The following EXOC4 variants were observed in gnomAD, a reference collection of about 807,000 sequenced individuals.
The protein encoded by EXOC4 is SEC8-like 1.
Under a neutral mutation model 107.2 loss-of-function variants are expected in EXOC4, and 71 were observed. The observed-to-expected ratio is 0.66, with a 90% CI of 0.55 to 0.81. EXOC4 has a LOEUF of 0.81. EXOC4 is among the 30% of genes least tolerant of loss of function. EXOC4 has a pLI of 0.00. For missense variants in EXOC4, 1,108 were observed against 1,189.6 expected, an observed-to-expected ratio of 0.93 and a Z score of 1.01; for synonymous variants, 456 against 441.2, an observed-to-expected ratio of 1.03 and a Z score of -0.42.
chr7:133,701,855 G>T (rs182688669), intron 10 of EXOC4, among the ~76,000 whole-genome samples: 2 of 151,898 alleles, frequency 1.3e-5, no homozygotes, highest in Admixed American at 6.6e-5. Flanking sequence ...ATAATTTTGC[G>T]CATATAACAA....
At chr7:134,094,845 G>T in the EXOC4 span, among the ~76,000 whole-genome samples, 1 of 151,790 alleles carries the variant, frequency 6.6e-6, no homozygotes, top group Non-Finnish European at 1.5e-5. Context: ...TGACAAACTC[G>T]CAGCAAACAT....
intron 7 of EXOC4, among the ~76,000 whole-genome samples, chr7:133,471,623 G>T (rs1311937965): frequency 6.6e-6 from 1 of 152,022 alleles, no homozygotes; most frequent in Non-Finnish European, 1.5e-5. Flanking sequence ...GTAGATTTTT[G>T]TACTGAGGAT....
intron 11 of EXOC4, among the ~76,000 whole-genome samples, chr7:133,874,808 A>G (rs977693899): frequency 6.6e-6 from 1 of 152,216 alleles, no homozygotes; most frequent in Non-Finnish European, 1.5e-5. Flanking sequence ...CTAATGAATC[A>G]TGCCCCATTG....
chr7:133,544,161 C>T (rs1396567274), intron 9 of EXOC4, among the ~76,000 whole-genome samples: 1 of 152,030 alleles, frequency 6.6e-6, no homozygotes, highest in Non-Finnish European at 1.5e-5. Context: ...AGATTCCTCA[C>T]CATCTATACT....
intron 9 of EXOC4, among the ~76,000 whole-genome samples, chr7:133,510,638 A>G (rs1054423724): frequency 1.3e-5 from 2 of 152,230 alleles, no homozygotes; most frequent in African/African-American, 4.8e-5. Context: ...AACACTGGAA[A>G]CATACGAGCA....
intron 6 of EXOC4, among the ~76,000 whole-genome samples, chr7:133,362,307 C>T (rs1423992378): frequency 1.3e-5 from 2 of 152,128 alleles, no homozygotes; most frequent in African/African-American, 2.4e-5. Context: ...CTTTTGAGCA[C>T]ACCTGACACA....
At chr7:133,520,270 A>T (rs1799955372) in intron 9 of EXOC4, among the ~76,000 whole-genome samples, 1 of 152,138 alleles carries the variant, frequency 6.6e-6, no homozygotes, top group Admixed American at 6.6e-5. Context: ...TTCTTGCCAC[A>T]ATATTTTATA....
intron 14 of EXOC4, among the ~76,000 whole-genome samples, chr7:133,987,549 A>G (rs1490280910): frequency 6.6e-6 from 1 of 152,132 alleles, no homozygotes; most frequent in Admixed American, 6.5e-5. Flanking sequence ...TAGAGTAGAA[A>G]ACTGTGTGGT....
At chr7:133,626,936 G>A (rs1171738197) in intron 9 of EXOC4, among the ~76,000 whole-genome samples, 1 of 152,106 alleles carries the variant, frequency 6.6e-6, no homozygotes, top group African/African-American at 2.4e-5. Flanking sequence ...CATTGATTCG[G>A]GTTTTGACAG....
intron 14 of EXOC4, among the ~76,000 whole-genome samples, chr7:133,974,055 C>T (rs1486491102): frequency 6.6e-6 from 1 of 152,196 alleles, no homozygotes; most frequent in Non-Finnish European, 1.5e-5. Context: ...CAGGCCTAGT[C>T]ACCTCTTTAA....
chr7:133,725,206 G>A (rs1323728760), intron 10 of EXOC4, among the ~76,000 whole-genome samples: 1 of 152,088 alleles, frequency 6.6e-6, no homozygotes, highest in Non-Finnish European at 1.5e-5. Flanking sequence ...CTAGCGTATT[G>A]GTCAGAAAAA....
At chr7:133,581,494 C>T (rs1412595661) in intron 9 of EXOC4, among the ~76,000 whole-genome samples, 7 of 152,026 alleles carry the variant, frequency 4.6e-5, no homozygotes, top group Middle Eastern at 3.4e-3. Context: ...CGCGGTGGCT[C>T]ACGCCTGTAA....
intron 11 of EXOC4, among the ~76,000 whole-genome samples, chr7:133,870,272 C>A (rs1798724933): frequency 6.6e-6 from 1 of 152,086 alleles, no homozygotes; most frequent in South Asian, 2.1e-4. Context: ...ACTCAAGTGA[C>A]AAAAATTTTT....
intron 9 of EXOC4, chr7:133,480,373 G>T: frequency 7.5e-7 from 1 of 1,338,502 alleles, no homozygotes; most frequent in Non-Finnish European, 9.6e-7. Flanking sequence ...AAAGCAAAAA[G>T]AGATGAGGCC....
chr7:133,731,732 G>GT (rs1323320222), intron 10 of EXOC4, among the ~76,000 whole-genome samples: 1 of 151,976 alleles, frequency 6.6e-6, no homozygotes, highest in African/African-American at 2.4e-5. Context: ...ATAAAAGCTT[G>GT]TTTTTTCAGC....
intron 3 of EXOC4, among the ~76,000 whole-genome samples, chr7:133,296,572 G>A (rs1794523759): frequency 6.6e-6 from 1 of 151,986 alleles, no homozygotes; most frequent in Non-Finnish European, 1.5e-5. Flanking sequence ...AGAAGTGCAG[G>A]GGTTTGTGGT....
intron 11 of EXOC4, among the ~76,000 whole-genome samples, chr7:133,852,402 G>A (rs10248666): frequency 0.016 from 2,506 of 152,054 alleles, 69 homozygotes; most frequent in African/African-American, 0.056. Flanking sequence ...TCTGTTACAA[G>A]TATCCCTTTA....
chr7:133,798,991 ATTT>A (rs927637360), intron 10 of EXOC4, among the ~76,000 whole-genome samples: 29 of 152,284 alleles, frequency 1.9e-4, no homozygotes, highest in Non-Finnish European at 4.0e-4. Context: ...TGAAGCTGCG[ATTT>A]TGAGAGACAG....
At chr7:133,859,310 T>C (rs1396092168) in intron 11 of EXOC4, among the ~76,000 whole-genome samples, 1 of 152,152 alleles carries the variant, frequency 6.6e-6, no homozygotes, top group African/African-American at 2.4e-5. Flanking sequence ...TCCCACTACC[T>C]CACCCAGAGA....
Sources: gnomAD v4.1 joint callset for allele counts (sites outside exome capture counted in the v4.1 genomes callset) on GRCh38, gnomAD v4.1.1 for gene constraint, MANE v1.5 for transcripts, NCBI Gene and HGNC (gene_info 2026-07-23, HGNC 2026-07-21) for gene names.